Variants in SYNPO2 observed in about 807,000 individuals in gnomAD.
SYNPO2 encodes synaptopodin-2.
A neutral mutation model predicts 85.0 loss-of-function variants in SYNPO2; 56 were observed. The observed-to-expected ratio is 0.66, with a 90% confidence interval of 0.53 to 0.82. The LOEUF (loss-of-function observed/expected upper bound fraction) is 0.82. SYNPO2 is among the 40% of genes least tolerant of loss of function. SYNPO2 has a pLI of 0.00. For missense variants in SYNPO2, 1,575 were observed against 1,534.2 expected (o/e 1.03, Z -0.44); for synonymous variants, 602 against 591.1 (o/e 1.02, Z -0.27).
At chr4:118,953,527 T>G (rs1394680350) in intron 1 of SYNPO2, among the ~76,000 whole-genome samples, 1 of 151,814 alleles carries the variant, frequency 6.6e-6, no homozygotes, top group Non-Finnish European at 1.5e-5. Context: ...CAGAAATGAG[T>G]GGCAGAGGTA....
intron 1 of SYNPO2, among the ~76,000 whole-genome samples, chr4:118,864,156 C>T (rs1336124107): frequency 6.6e-6 from 1 of 152,020 alleles, no homozygotes. Context: ...GTTGTACTTC[C>T]ATTATTATTT....
intron 1 of SYNPO2, among the ~76,000 whole-genome samples, chr4:118,939,242 T>C (rs188327002): frequency 4.0e-4 from 61 of 152,352 alleles, no homozygotes; most frequent in Middle Eastern, 3.4e-3. Context: ...ATTTATAGCA[T>C]TGCCAGTTTA....
At chr4:119,049,536 A>G (rs569705472) in intron 4 of SYNPO2, among the ~76,000 whole-genome samples, 54 of 152,326 alleles carry the variant, frequency 3.5e-4, no homozygotes, top group Non-Finnish European at 6.5e-4. Context: ...TTGACTCACG[A>G]CACATACATC....
intron 1 of SYNPO2, among the ~76,000 whole-genome samples, chr4:118,898,650 A>T (rs2149117581): frequency 6.6e-6 from 1 of 152,282 alleles, no homozygotes; most frequent in East Asian, 1.9e-4. Context: ...TAGTTAGTAA[A>T]TGGCAAAACC....
intron 1 of SYNPO2, among the ~76,000 whole-genome samples, chr4:118,968,522 T>C (rs1735400403): frequency 6.6e-6 from 1 of 152,170 alleles, no homozygotes. Context: ...CTTCGAAAGG[T>C]CACAGCTAAG....
intron 3 of SYNPO2, 67 bp downstream of exon 3, chr4:119,027,505 C>G: frequency 2.9e-6 from 4 of 1,394,948 alleles, no homozygotes; most frequent in Non-Finnish European, 3.8e-6. Flanking sequence ...TCTTTGCTTG[C>G]ATGAGTTTTT....
chr4:118,994,466 A>C (rs1321259603), intron 1 of SYNPO2, among the ~76,000 whole-genome samples: 1 of 152,224 alleles, frequency 6.6e-6, no homozygotes, highest in Non-Finnish European at 1.5e-5. Context: ...CCTACCACCT[A>C]AATGTAATTT....
At chr4:118,876,958 C>T (rs1226937803) in intron 1 of SYNPO2, among the ~76,000 whole-genome samples, 1 of 151,326 alleles carries the variant, frequency 6.6e-6, no homozygotes, top group African/African-American at 2.4e-5. Context: ...GCTCACTCTG[C>T]CCATCTAATT....
intron 1 of SYNPO2, among the ~76,000 whole-genome samples, chr4:119,001,623 G>A (rs779018646): frequency 4.6e-5 from 7 of 152,022 alleles, no homozygotes; most frequent in African/African-American, 7.3e-5. Context: ...AAGCCATGAC[G>A]CTTTTTAAAA....
chr4:119,027,269 G>C lies in SYNPO2; in HGVS notation c.900G>C (p.Arg300Ser). ...CSDRQKTEGC[R>S]LQAGKECVDS... Reference sequence around the variant, plus strand: ...ACAGGCAGAAGACAGAAGGGTGCAGGCTTCAGGCAGGAAAGGAGTGTGTGG... The same window carrying C: ...ACAGGCAGAAGACAGAAGGGTGCAGCCTTCAGGCAGGAAAGGAGTGTGTGG... Residue 300 changes from arginine (R) to serine (S), a missense_variant, in exon 3 of 5, where the codon AGG becomes AGC. Physicochemically the swap from Arg to Ser is moderately radical, Grantham distance 110 (BLOSUM62 -1). Coordinates refer to ENST00000307142, the MANE Select transcript of SYNPO2 (RefSeq NM_133477.3). The C allele has an allele frequency of 1.2e-6, 2 of 1,614,142 alleles. No individual in the cohort carries two copies. The highest frequency in any genetic ancestry group is 1.7e-6 in the Non-Finnish European group (2 of 1,180,032).
At chr4:118,876,663 CTTTCTCTT>C (rs1731916941) in intron 1 of SYNPO2, among the ~76,000 whole-genome samples, 1 of 136,554 alleles carries the variant, frequency 7.3e-6, no homozygotes, top group African/African-American at 2.6e-5. Context: ...TCCTTCCTTC[CTTTCTCTT>C]TCTTTCTTTC....
intron 1 of SYNPO2, among the ~76,000 whole-genome samples, chr4:118,914,851 G>A (rs558011022): frequency 3.3e-5 from 5 of 152,210 alleles, no homozygotes; most frequent in South Asian, 2.1e-4. Context: ...GAAAGACTGA[G>A]TAAGACAGGG....
chr4:119,034,163 T>G, intron 4 of SYNPO2: 1 of 985,474 alleles, frequency 1.0e-6, no homozygotes, highest in Non-Finnish European at 1.2e-6. Flanking sequence ...CATTTTGAAT[T>G]CTTTTCTAAT....
Position 119,058,606 on chromosome 4 carries a change from C to T in SYNPO2, c.*672C>T, listed in dbSNP as rs1739300260. On this transcript the variant is annotated 3_prime_UTR_variant, in exon 5 of 5. Coordinates refer to ENST00000307142, the MANE Select transcript of SYNPO2 (RefSeq NM_133477.3). ...TCTCCTGCCTCAGCCTCCTGAGTAG[C>T]TGGGATTACAGGCATGAACCACCAC... 6.6e-6 allele frequency: 1 copy of T among 151,422 alleles called. No homozygotes were observed. The highest frequency in any genetic ancestry group is 1.5e-5 in the Non-Finnish European group (1 of 68,122). 9.4% of individuals were successfully genotyped at this position (151,422 alleles called of 1,614,324 possible). A position where few individuals can be genotyped will look rare whatever the true frequency, so the allele number is the denominator to read the frequency against.
intron 1 of SYNPO2, among the ~76,000 whole-genome samples, chr4:118,994,387 A>C (rs1736513874): frequency 6.6e-6 from 1 of 152,234 alleles, no homozygotes; most frequent in Admixed American, 6.5e-5. Context: ...CTGAGATGAG[A>C]AAAATCAAAT....
chr4:118,925,289 G>A lies in SYNPO2; in HGVS notation c.105+36148G>A, dbSNP rs980817080. Among the ~76,000 whole-genome samples, 4 of 152,220 alleles carry A rather than the reference G, an allele frequency of 2.6e-5. No homozygotes were observed. In the East Asian group the frequency reaches 7.7e-4, roughly 29 times the overall value. On this transcript the variant is annotated intron_variant, in intron 1 of 4. Transcript: ENST00000307142. Reference sequence around the variant, plus strand: ...TTACCTGGACTGACTGACATGTGAAGCCCTTCAGATGTGATTTGCTACCTA... The same window carrying A: ...TTACCTGGACTGACTGACATGTGAAACCCTTCAGATGTGATTTGCTACCTA...
At chr4:118,894,797 GCAAAAAGCATCC>G in intron 1 of SYNPO2, among the ~76,000 whole-genome samples, 1 of 149,672 alleles carries the variant, frequency 6.7e-6, no homozygotes, top group Non-Finnish European at 1.5e-5. Context: ...CTACCTAATA[GCAAAAAGCATCC>G]CAGGTTACTA....
chr4:118,881,301 CAAAAA>C (rs765003546), intron 1 of SYNPO2, among the ~76,000 whole-genome samples: 2 of 114,022 alleles, frequency 1.8e-5, no homozygotes, highest in East Asian at 5.0e-4. Context: ...AACTCCGTCT[CAAAAA>C]AAAAAAAAAA....
chr4:119,012,714 A>T (rs1737370653), intron 1 of SYNPO2, among the ~76,000 whole-genome samples: 1 of 152,126 alleles, frequency 6.6e-6, no homozygotes, highest in African/African-American at 2.4e-5. Flanking sequence ...ACGTCCCTTC[A>T]AAGGACATTA....
Sources: allele counts gnomAD v4.1 joint callset (sites outside exome capture counted in the v4.1 genomes callset), GRCh38; gene constraint gnomAD v4.1.1; transcripts MANE v1.5; gene names NCBI Gene and HGNC (gene_info 2026-07-23, HGNC 2026-07-21).